Variants in SEZ6L observed in about 807,000 individuals in gnomAD.
SEZ6L encodes seizure related 6 homolog like, also known as seizure 6-like protein.
A neutral mutation model predicts 106.2 loss-of-function variants in SEZ6L; 37 were observed. The observed-to-expected ratio is 0.35, with a 90% CI of 0.27 to 0.46. SEZ6L has a LOEUF of 0.46. Among genes scored for constraint, SEZ6L ranks in the 20% least tolerant of loss-of-function variants. The pLI is 1.00. For synonymous variants in SEZ6L, 541 were observed against 570.4 expected (o/e 0.95, Z 0.73); for missense variants, 1,172 against 1,332.8 (o/e 0.88, Z 1.88).
At chr22:26,250,645 G>A (rs564268464) in intron 1 of SEZ6L, among the ~76,000 whole-genome samples, 24 of 152,128 alleles carry the variant, frequency 1.6e-4, no homozygotes, top group Non-Finnish European at 3.2e-4. Flanking sequence ...GGCTATTCGG[G>A]ATCTTTTGTG....
intron 1 of SEZ6L, among the ~76,000 whole-genome samples, chr22:26,262,270 A>ATCTATCTATCTG (rs1162176907): frequency 1.2e-4 from 18 of 151,226 alleles, no homozygotes; most frequent in Admixed American, 2.0e-4. Flanking sequence ...CTATCTATCT[A>ATCTATCTATCTG]TCTATCTATC....
chr22:26,298,214 A>G (rs797007262), intron 4 of SEZ6L, among the ~76,000 whole-genome samples: 9 of 152,344 alleles, frequency 5.9e-5, no homozygotes, highest in African/African-American at 2.2e-4. Context: ...AATGTGAATC[A>G]TGAACTTGAA....
chr22:26,356,034 A>G (rs183442512), intron 12 of SEZ6L, among the ~76,000 whole-genome samples: 25 of 152,156 alleles, frequency 1.6e-4, no homozygotes, highest in Admixed American at 7.2e-4. Context: ...AATACCCTTT[A>G]CCAAGAAGGA....
At chr22:26,252,029 C>T (rs560608104) in intron 1 of SEZ6L, among the ~76,000 whole-genome samples, 2 of 152,218 alleles carry the variant, frequency 1.3e-5, no homozygotes, top group East Asian at 1.9e-4. Flanking sequence ...GCAGGAGCAG[C>T]GGCGGCAGCA....
intron 8 of SEZ6L, 44 bp downstream of exon 8, chr22:26,312,006 T>C: frequency 6.3e-7 from 1 of 1,578,354 alleles, no homozygotes; most frequent in Non-Finnish European, 8.7e-7. Flanking sequence ...CCCAGGGATC[T>C]CCACCCTTTG....
intron 12 of SEZ6L, among the ~76,000 whole-genome samples, chr22:26,363,738 A>T (rs377037304): frequency 6.6e-6 from 1 of 152,258 alleles, no homozygotes. Context: ...AGTATTGTTC[A>T]GAGTAGCCAA....
intron 1 of SEZ6L, among the ~76,000 whole-genome samples, chr22:26,228,305 A>T (rs767950621): frequency 1.3e-5 from 2 of 152,210 alleles, no homozygotes; most frequent in Non-Finnish European, 2.9e-5. Flanking sequence ...GCCAGGCTGC[A>T]GGCTTGTGGC....
At chr22:26,375,393 C>A (rs1015289795) in intron 14 of SEZ6L, among the ~76,000 whole-genome samples, 182 bp from the exon 15 acceptor site, 2 of 152,038 alleles carry the variant, frequency 1.3e-5, no homozygotes, top group Admixed American at 1.3e-4. Context: ...AGTCTGGGAC[C>A]CCTTGCAAAG....
chr22:26,295,121 G>A (rs1188428718), intron 3 of SEZ6L, among the ~76,000 whole-genome samples: 1 of 152,152 alleles, frequency 6.6e-6, no homozygotes, highest in Admixed American at 6.5e-5. Flanking sequence ...CTTTGAACAA[G>A]GAACTTCACC....
chr22:26,224,444 T>C (rs1021533533), intron 1 of SEZ6L, among the ~76,000 whole-genome samples: 6 of 152,080 alleles, frequency 3.9e-5, no homozygotes, highest in Non-Finnish European at 8.8e-5. Flanking sequence ...GATCATCTAG[T>C]GCCCTTAAGC....
chr22:26,342,737 G>A (rs1399850026), intron 10 of SEZ6L, among the ~76,000 whole-genome samples: 1 of 152,098 alleles, frequency 6.6e-6, no homozygotes, highest in African/African-American at 2.4e-5. Context: ...TCTCTAACTA[G>A]GTTGGTGCAG....
chr22:26,368,150 A>C (rs2083884421), intron 13 of SEZ6L, among the ~76,000 whole-genome samples: 1 of 152,212 alleles, frequency 6.6e-6, no homozygotes, highest in Non-Finnish European at 1.5e-5. Flanking sequence ...TTATGTCTCT[A>C]CTTGGGAACC....
chr22:26,224,393 G>T (rs2078575049), intron 1 of SEZ6L, among the ~76,000 whole-genome samples: 2 of 152,162 alleles, frequency 1.3e-5, no homozygotes, highest in Admixed American at 1.3e-4. Flanking sequence ...AGGAGTAAAG[G>T]GGGAGAGAAA....
chr22:26,201,382 C>CAAAAAA (rs71192905), intron 1 of SEZ6L, among the ~76,000 whole-genome samples: 3 of 75,312 alleles, frequency 4.0e-5, no homozygotes, highest in Admixed American at 1.6e-4. Flanking sequence ...TACAAAAATA[C>CAAAAAA]AAAAAAAAAA....
At chr22:26,325,777 A>G (rs1008837679) in intron 9 of SEZ6L, among the ~76,000 whole-genome samples, 1 of 148,190 alleles carries the variant, frequency 6.7e-6, no homozygotes, top group Non-Finnish European at 1.5e-5. Flanking sequence ...TTCTGAGATG[A>G]TGAAATCATA....
At chr22:26,258,137 A>C (rs2145811155) in intron 1 of SEZ6L, among the ~76,000 whole-genome samples, 1 of 152,222 alleles carries the variant, frequency 6.6e-6, no homozygotes, top group Middle Eastern at 3.4e-3. Flanking sequence ...AGAGCTATGG[A>C]GGAGAGACCA....
intron 10 of SEZ6L, among the ~76,000 whole-genome samples, chr22:26,342,517 G>A (rs887183011): frequency 7.5e-5 from 11 of 146,306 alleles, no homozygotes; most frequent in South Asian, 2.2e-4. Context: ...GTGAAACCCC[G>A]TCTCTACTAA....
At chr22:26,219,182 G>T (rs1388363652) in intron 1 of SEZ6L, among the ~76,000 whole-genome samples, 1 of 150,934 alleles carries the variant, frequency 6.6e-6, no homozygotes, top group African/African-American at 2.4e-5. Flanking sequence ...TCACAGGGCG[G>T]CTGTAATGTT....
chr22:26,174,864 G>T (rs1330573561), intron 1 of SEZ6L, among the ~76,000 whole-genome samples: 1 of 152,188 alleles, frequency 6.6e-6, no homozygotes, highest in Non-Finnish European at 1.5e-5. Flanking sequence ...TGTTGATTTT[G>T]TGCCAAGCCT....
Sources: allele counts gnomAD v4.1 joint callset (sites outside exome capture counted in the v4.1 genomes callset), GRCh38; gene constraint gnomAD v4.1.1; transcripts MANE v1.5; gene names NCBI Gene and HGNC (gene_info 2026-07-23, HGNC 2026-07-21).